The following CAMTA1 variants were observed in gnomAD, a reference collection of about 807,000 sequenced individuals.
The protein encoded by CAMTA1 is calmodulin binding transcription activator 1, also known as calmodulin-binding transcription activator 1.
In CAMTA1, 27 loss-of-function variants were observed where a neutral mutation model predicts 170.9. The ratio of observed to expected loss-of-function variants is 0.16; its 90% CI spans 0.12 to 0.22. The LOEUF (loss-of-function observed/expected upper bound fraction) is 0.22. Ranked by LOEUF, CAMTA1 falls within the 10% of genes least tolerant of loss-of-function variation. The pLI is 1.00. For missense variants in CAMTA1, 1,619 were observed against 2,217.2 expected (o/e 0.73, Z 5.42); for synonymous variants, 833 against 891.5 (o/e 0.93, Z 1.17).
intron 11 of CAMTA1, among the ~76,000 whole-genome samples, chr1:7,727,090 A>T (rs1354277912): frequency 1.3e-5 from 2 of 150,718 alleles, no homozygotes; most frequent in Non-Finnish European, 3.0e-5. Context: ...TCTACGCATT[A>T]TTCCTACTCC....
intron 6 of CAMTA1, among the ~76,000 whole-genome samples, chr1:7,499,884 G>C (rs1398530228): frequency 6.8e-6 from 1 of 146,912 alleles, no homozygotes; most frequent in Non-Finnish European, 1.5e-5. Context: ...GTGTGAGCCT[G>C]GTGTGCATGC....
chr1:7,573,519 G>A (rs548054219), intron 6 of CAMTA1, among the ~76,000 whole-genome samples: 1 of 152,350 alleles, frequency 6.6e-6, no homozygotes, highest in African/African-American at 2.4e-5. Context: ...CTCTCACGGT[G>A]CAGGAGTCCA....
chr1:6,948,435 G>A (rs1483946303), intron 3 of CAMTA1, among the ~76,000 whole-genome samples: 1 of 152,162 alleles, frequency 6.6e-6, no homozygotes, highest in Non-Finnish European at 1.5e-5. Flanking sequence ...GACAGCACTT[G>A]TACATTCCAC....
chr1:7,589,636 C>T (rs1047123647), intron 6 of CAMTA1, among the ~76,000 whole-genome samples: 11 of 152,146 alleles, frequency 7.2e-5, no homozygotes, highest in Non-Finnish European at 1.5e-4. Context: ...CGGGGTAAAT[C>T]CTGCAAGGTT....
intron 5 of CAMTA1, among the ~76,000 whole-genome samples, chr1:7,349,733 T>C (rs1326134516): frequency 6.6e-6 from 1 of 152,230 alleles, no homozygotes; most frequent in African/African-American, 2.4e-5. Context: ...ACTTTAACTT[T>C]ATCATCTGCG....
intron 4 of CAMTA1, among the ~76,000 whole-genome samples, chr1:7,186,435 C>G (rs1653283678): frequency 6.6e-6 from 1 of 152,162 alleles, no homozygotes; most frequent in African/African-American, 2.4e-5. Flanking sequence ...CTTTGATGAT[C>G]AGGAGTGATG....
intron 3 of CAMTA1, among the ~76,000 whole-genome samples, chr1:6,906,972 C>T (rs1678645530): frequency 6.6e-6 from 1 of 152,170 alleles, no homozygotes; most frequent in African/African-American, 2.4e-5. Context: ...CTCTCCCATC[C>T]CCCGCGTCCC....
chr1:7,370,334 G>A (rs544842765), intron 5 of CAMTA1: 2 of 152,304 alleles, frequency 1.3e-5, no homozygotes, highest in South Asian at 2.1e-4. Flanking sequence ...CGTTTTGTGT[G>A]GTAGAAAATA....
Position 7,065,311 on chromosome 1 carries a change from C to T in CAMTA1, c.235-25993C>T, listed in dbSNP as rs1373908348. Among the ~76,000 whole-genome samples, 1 of 152,076 alleles carries T rather than the reference C, an allele frequency of 6.6e-6. No homozygotes were observed. The highest frequency in any genetic ancestry group is 2.4e-5 in the African/African-American group (1 of 41,386). On this transcript the variant is annotated intron_variant, in intron 3 of 22. Transcript: ENST00000303635. The surrounding 1 kb of genome is among the most constrained non-coding windows in gnomAD (Gnocchi z 5.2). ...GGAAGATGGACAGCCCATGAGGTTT[C>T]CCAGAGGGCCTGGCCACTGAGAAGC...
At chr1:7,297,174 C>A (rs1674075577) in intron 5 of CAMTA1, among the ~76,000 whole-genome samples, 1 of 152,212 alleles carries the variant, frequency 6.6e-6, no homozygotes, top group Non-Finnish European at 1.5e-5. Flanking sequence ...AATCCATGAA[C>A]ATGGTATATC....
chr1:6,799,964 T>A (rs1313674275), intron 1 of CAMTA1, among the ~76,000 whole-genome samples: 1 of 152,176 alleles, frequency 6.6e-6, no homozygotes, highest in Non-Finnish European at 1.5e-5. Context: ...ATCTTTTCCT[T>A]TTGAGGTCCT....
chr1:7,236,880 G>T (rs920397868), intron 4 of CAMTA1, among the ~76,000 whole-genome samples: 1 of 152,222 alleles, frequency 6.6e-6, no homozygotes, highest in Non-Finnish European at 1.5e-5. Context: ...GCAATAAAGG[G>T]TGACATTCCT....
chr1:7,369,911 G>A (rs1557603599), intron 5 of CAMTA1, among the ~76,000 whole-genome samples: 1 of 152,228 alleles, frequency 6.6e-6, no homozygotes, highest in Admixed American at 6.5e-5. Context: ...ATTGAATAGA[G>A]TACTATGTAG....
intron 11 of CAMTA1, among the ~76,000 whole-genome samples, chr1:7,730,926 C>CTATA (rs768298597): frequency 3.8e-5 from 5 of 130,670 alleles, no homozygotes; most frequent in African/African-American, 1.4e-4. Context: ...CTCTCTCTCT[C>CTATA]TCTATATATA....
intron 5 of CAMTA1, among the ~76,000 whole-genome samples, chr1:7,358,017 G>A (rs2085255302): frequency 6.6e-6 from 1 of 152,226 alleles, no homozygotes; most frequent in African/African-American, 2.4e-5. Flanking sequence ...TGTGCTGGAG[G>A]GATCTGGGGG....
intron 4 of CAMTA1, among the ~76,000 whole-genome samples, chr1:7,134,673 G>A (rs1645446319): frequency 6.6e-6 from 1 of 152,058 alleles, no homozygotes; most frequent in East Asian, 1.9e-4. Context: ...TTGCTATTGT[G>A]AACACATGGT....
rs1709176421 is a variant in CAMTA1 at position 7,067,978 on chromosome 1, G to A, written c.235-23326G>A. Among the ~76,000 whole-genome samples, 2 of 152,190 alleles carry A rather than the reference G, an allele frequency of 1.3e-5. No homozygotes were observed. The highest frequency in any genetic ancestry group is 2.9e-5 in the Non-Finnish European group (2 of 68,030). On this transcript the variant is annotated intron_variant, in intron 3 of 22. Transcript: ENST00000303635. This position sits in a 1 kb window ranked among gnomAD's most constrained non-coding sequence, Gnocchi z 4.3. ...TTTGGAAAATGTGATGGTTATGGGA[G>A]GCCGCTATGGTCACCTTGCAGCCAT...
chr1:7,115,721 C>T (rs1644295518), intron 4 of CAMTA1, among the ~76,000 whole-genome samples: 1 of 152,044 alleles, frequency 6.6e-6, no homozygotes, highest in African/African-American at 2.4e-5. Flanking sequence ...TGGTGTTGTT[C>T]CAGTCTGAAA....
intron 7 of CAMTA1, among the ~76,000 whole-genome samples, chr1:7,654,816 C>G (rs2095872392): frequency 7.8e-6 from 1 of 127,432 alleles, no homozygotes; most frequent in Admixed American, 8.9e-5. Flanking sequence ...CCCACACACA[C>G]CACACACACC....
Sources: gnomAD v4.1 joint callset for allele counts (sites outside exome capture counted in the v4.1 genomes callset) on GRCh38, gnomAD v4.1.1 for gene constraint, Gnocchi (gnomAD v3.1) non-coding constraint, MANE v1.5 for transcripts, NCBI Gene and HGNC (gene_info 2026-07-23, HGNC 2026-07-21) for gene names.